Variants in SIK3 observed in about 807,000 individuals in gnomAD.
SIK3 encodes serine/threonine-protein kinase SIK3.
A neutral mutation model predicts 144.2 loss-of-function variants in SIK3; 28 were observed. The ratio of observed to expected loss-of-function variants is 0.19; its 90% confidence interval spans 0.14 to 0.27. SIK3 has a LOEUF of 0.27. Ranked by LOEUF, SIK3 falls within the 10% of genes least tolerant of loss-of-function variation. The pLI is 1.00. For missense variants in SIK3, 1,319 were observed against 1,776.0 expected (o/e 0.74, Z 4.62); for synonymous variants, 686 against 676.3 (o/e 1.01, Z -0.22).
At chr11:116,860,522 T>C (rs1591396012) in intron 19 of SIK3, among the ~76,000 whole-genome samples, 1 of 152,326 alleles carries the variant, frequency 6.6e-6, no homozygotes, top group African/African-American at 2.4e-5. Flanking sequence ...ACGTGTATAG[T>C]AGACAGCCAA....
chr11:116,880,486 T>A (rs1262818415), intron 6 of SIK3, among the ~76,000 whole-genome samples: 2 of 152,230 alleles, frequency 1.3e-5, no homozygotes, highest in Non-Finnish European at 2.9e-5. Flanking sequence ...TAATCTTGAC[T>A]ATCCTACATA....
intron 3 of SIK3, among the ~76,000 whole-genome samples, chr11:116,932,619 C>G: frequency 6.6e-6 from 1 of 152,126 alleles, no homozygotes; most frequent in South Asian, 2.1e-4. Flanking sequence ...AAATATTTCA[C>G]CACCACAAAG....
intron 1 of SIK3, among the ~76,000 whole-genome samples, chr11:117,066,534 CT>C (rs34259048): frequency 0.41 from 53,972 of 130,818 alleles, 11,516 homozygotes; most frequent in Non-Finnish European, 0.57. Context: ...AGAAACAATC[CT>C]TTTTTTTTTT....
At chr11:117,091,200 C>G (rs200574757) in intron 1 of SIK3, among the ~76,000 whole-genome samples, 1 of 93,020 alleles carries the variant, frequency 1.1e-5, no homozygotes, top group African/African-American at 4.3e-5. Flanking sequence ...TTTTTTTTTT[C>G]TTTTTTTTTT....
At chr11:117,033,708 T>TAA (rs11347459) in intron 1 of SIK3, among the ~76,000 whole-genome samples, 17 of 91,494 alleles carry the variant, frequency 1.9e-4, no homozygotes, top group East Asian at 1.5e-3. Context: ...AGACTCCGTC[T>TAA]AAAAAAAAAA....
At chr11:116,880,725 C>A (rs1433120800) in intron 6 of SIK3, among the ~76,000 whole-genome samples, 1 of 152,176 alleles carries the variant, frequency 6.6e-6, no homozygotes, top group Non-Finnish European at 1.5e-5. Context: ...AGAACACAAT[C>A]ACCCACAGGA....
intron 1 of SIK3, among the ~76,000 whole-genome samples, chr11:117,092,006 C>T (rs2134084618): frequency 6.6e-6 from 1 of 152,276 alleles, no homozygotes; most frequent in African/African-American, 2.4e-5. Flanking sequence ...TGGTCTTGAA[C>T]TCCTGGCCTC....
intron 1 of SIK3, among the ~76,000 whole-genome samples, chr11:116,969,395 T>C (rs944352816): frequency 6.6e-6 from 1 of 151,340 alleles, no homozygotes; most frequent in Non-Finnish European, 1.5e-5. Flanking sequence ...AGGAATGAGA[T>C]TTATGAGATG....
chr11:117,005,914 C>A (rs543222969), intron 1 of SIK3, among the ~76,000 whole-genome samples: 2 of 152,226 alleles, frequency 1.3e-5, no homozygotes, highest in South Asian at 4.1e-4. Flanking sequence ...ACAGAAGAAT[C>A]TCCACTGTAG....
At position 117,075,793 on chromosome 11, in the gene SIK3, T is replaced by C. The variant is rs533037086; in HGVS notation, c.273+22350A>G. ...CTCCTGACCTTATGATCTGCCCACA[T>C]TGGCTCCCAAAGTGCTGGGATTATA... is the stretch of plus-strand genomic sequence containing the variant. On this transcript the variant is annotated intron_variant, in intron 1 of 24. Transcript: ENST00000445177. Among the ~76,000 whole-genome samples, 11 of 149,694 alleles carry C rather than the reference T, an allele frequency of 7.3e-5. No homozygotes were observed. The East Asian group carries it at 9.9e-4, about 13-fold the overall frequency.
At chr11:116,982,446 G>A (rs546796437) in intron 1 of SIK3, among the ~76,000 whole-genome samples, 2 of 151,886 alleles carry the variant, frequency 1.3e-5, no homozygotes, top group East Asian at 1.9e-4. Context: ...CTACCACTAC[G>A]CCCAGCTAAT....
chr11:117,094,166 CA>C (rs1173427112), intron 1 of SIK3, among the ~76,000 whole-genome samples: 1 of 152,124 alleles, frequency 6.6e-6, no homozygotes, highest in Admixed American at 6.6e-5. Flanking sequence ...TATTAAGCAG[CA>C]AAAGATTCAA....
intron 1 of SIK3, among the ~76,000 whole-genome samples, chr11:117,024,551 C>T (rs1374563661): frequency 6.6e-6 from 1 of 152,122 alleles, no homozygotes; most frequent in Non-Finnish European, 1.5e-5. Context: ...CATCAGGTAA[C>T]ACCACCAAAG....
intron 1 of SIK3, among the ~76,000 whole-genome samples, chr11:116,966,706 T>C (rs976263285): frequency 6.6e-6 from 1 of 151,680 alleles, no homozygotes; most frequent in African/African-American, 2.4e-5. Flanking sequence ...CAAAGAAAAA[T>C]GTCAAAGTTA....
At position 116,868,417 on chromosome 11, in the gene SIK3, TTCA is replaced by T. The variant is rs777077457; in HGVS notation, c.1809-331_1809-329del. ...AATTTATTTTCTCCATGTTAATTTA[TTCA>T]TCTTTTCCCTCCAAATTTCCAAAAT... On this transcript the variant is annotated intron_variant, in intron 14 of 24. Transcript: ENST00000445177. 3.1e-4 allele frequency among the ~76,000 whole-genome samples: 47 copies of T among 152,370 alleles called. 1 individual carries two copies. Among genetic ancestry groups the T allele is most frequent in the Admixed American group, 2.0e-3 (30 of 15,308 alleles).
chr11:116,850,014 C>T (rs562860199), intron 21 of SIK3, among the ~76,000 whole-genome samples: 1 of 152,288 alleles, frequency 6.6e-6, no homozygotes, highest in Admixed American at 6.5e-5. Flanking sequence ...CCTGCTACTC[C>T]TTCAGACATT....
chr11:116,954,895 T>C (rs1241350348), intron 2 of SIK3, among the ~76,000 whole-genome samples: 1 of 152,208 alleles, frequency 6.6e-6, no homozygotes, highest in Admixed American at 6.5e-5. Context: ...TCTACAACAG[T>C]GCTGTCCAAT....
At chr11:116,969,779 T>C (rs1381868641) in intron 1 of SIK3, among the ~76,000 whole-genome samples, 2 of 152,136 alleles carry the variant, frequency 1.3e-5, no homozygotes, top group Non-Finnish European at 2.9e-5. Flanking sequence ...AGAGTATCCA[T>C]CCTGGTTACA....
chr11:117,081,874 T>C (rs1480739505), intron 1 of SIK3, among the ~76,000 whole-genome samples: 1 of 152,086 alleles, frequency 6.6e-6, no homozygotes, highest in African/African-American at 2.4e-5. Flanking sequence ...GCAGAAAATA[T>C]TTGTAAATCA....
Sources: allele counts gnomAD v4.1 joint callset (sites outside exome capture counted in the v4.1 genomes callset), GRCh38; gene constraint gnomAD v4.1.1; transcripts MANE v1.5; gene names NCBI Gene and HGNC (gene_info 2026-07-23, HGNC 2026-07-21).